CADM2: variants seen among roughly 807,000 people sequenced by gnomAD.
CADM2 encodes cell adhesion molecule 2, also known as immunoglobulin superfamily member 4D.
In CADM2, 12 loss-of-function variants were observed where a neutral mutation model predicts 49.8. The ratio of observed to expected loss-of-function variants is 0.24; its 90% confidence interval spans 0.15 to 0.39. CADM2 has a LOEUF of 0.39. Among genes scored for constraint, CADM2 ranks in the 10% least tolerant of loss-of-function variants. The pLI is 1.00. For missense variants in CADM2, 378 were observed against 492.3 expected (o/e 0.77, Z 2.20); for synonymous variants, 214 against 175.4 (o/e 1.22, Z -1.74).
At chr3:85,063,195 C>G (rs1029157274) in intron 1 of CADM2, among the ~76,000 whole-genome samples, 3 of 151,840 alleles carry the variant, frequency 2.0e-5, no homozygotes, top group Non-Finnish European at 4.4e-5. Context: ...AATTTAATCT[C>G]TGTGTCATGG....
chr3:85,471,867 T>C (rs1155666), intron 1 of CADM2, among the ~76,000 whole-genome samples: 77,706 of 151,312 alleles, frequency 0.51, 22,907 homozygotes, highest in East Asian at 0.83. Flanking sequence ...CATAAATTTG[T>C]ACCTATAAGT....
At chr3:85,928,605 A>G (rs1182443390) in intron 6 of CADM2, among the ~76,000 whole-genome samples, 3 of 152,226 alleles carry the variant, frequency 2.0e-5, no homozygotes, top group Non-Finnish European at 2.9e-5. Context: ...TAAACATTTT[A>G]TAGACATTCT....
intron 8 of CADM2, among the ~76,000 whole-genome samples, chr3:86,061,383 TATAAA>T: frequency 6.6e-6 from 1 of 152,194 alleles, no homozygotes; most frequent in South Asian, 2.1e-4. Context: ...TGCAGAAACA[TATAAA>T]ATATATAGAC....
chr3:85,082,253 A>G (rs1275432544), intron 1 of CADM2, among the ~76,000 whole-genome samples: 1 of 152,184 alleles, frequency 6.6e-6, no homozygotes, highest in East Asian at 1.9e-4. Context: ...AGAAAATAAT[A>G]GTAATATCCA....
chr3:85,038,947 C>A (rs1442600206), intron 1 of CADM2, among the ~76,000 whole-genome samples: 1 of 152,046 alleles, frequency 6.6e-6, no homozygotes, highest in African/African-American at 2.4e-5. Flanking sequence ...GAGTTTGTAT[C>A]AAAAATGTGC....
At chr3:85,977,692 A>G (rs1419233861) in intron 8 of CADM2, among the ~76,000 whole-genome samples, 1 of 151,600 alleles carries the variant, frequency 6.6e-6, no homozygotes, top group South Asian at 2.1e-4. Flanking sequence ...TAATGTCGTT[A>G]AAGTCAGTTC....
At chr3:85,147,275 C>CAAAAAAAAAAAAAAAAAAAA (rs759888985) in intron 1 of CADM2, among the ~76,000 whole-genome samples, 4 of 46,006 alleles carry the variant, frequency 8.7e-5, no homozygotes, top group African/African-American at 1.5e-4. Context: ...GACTCTGTCT[C>CAAAAAAAAAAAAAAAAAAAA]AAAAAAAAAA....
At chr3:85,377,303 A>G (rs1233105913) in intron 1 of CADM2, among the ~76,000 whole-genome samples, 1 of 152,100 alleles carries the variant, frequency 6.6e-6, no homozygotes, top group South Asian at 2.1e-4. Flanking sequence ...AGATAGCGGA[A>G]TTAGTGTCTA....
At chr3:85,477,533 T>G (rs1330166277) in intron 1 of CADM2, among the ~76,000 whole-genome samples, 3 of 151,920 alleles carry the variant, frequency 2.0e-5, no homozygotes, top group Non-Finnish European at 4.4e-5. Context: ...TATTTTTATT[T>G]TCCCTGTTCT....
intron 1 of CADM2, among the ~76,000 whole-genome samples, chr3:85,217,105 A>G (rs1367213664): frequency 6.6e-6 from 1 of 151,950 alleles, no homozygotes; most frequent in Non-Finnish European, 1.5e-5. Context: ...ATTGGTCATA[A>G]AAAGTAAGAA....
Position 84,959,258 on chromosome 3 carries a change from C to G in CADM2, c.-350C>G. 3 of 438,730 alleles carry G rather than the reference C, an allele frequency of 6.8e-6. No individual in the cohort carries two copies. Among genetic ancestry groups the G allele is most frequent in the Non-Finnish European group, 1.2e-5 (3 of 240,870 alleles). The allele number at this position is 438,730 out of a possible 1,614,324, so 27.2% of individuals were successfully genotyped here. A position where few individuals can be genotyped will look rare whatever the true frequency, so the allele number is the denominator to read the frequency against. ...GCACCTTCTCCAACACCCCGGCATC[C>G]CTGCACCACCTGCTCGGGCAGCCCC... On this transcript the variant is annotated 5_prime_UTR_variant, in exon 1 of 10. Coordinates refer to ENST00000383699, the MANE Select transcript of CADM2 (RefSeq NM_001167675.2).
intron 1 of CADM2, among the ~76,000 whole-genome samples, chr3:85,151,981 ATTT>A (rs371477900): frequency 1.3e-5 from 2 of 152,102 alleles, no homozygotes; most frequent in Non-Finnish European, 2.9e-5. Flanking sequence ...AAAAAAGGTT[ATTT>A]TTTTATTTCA....
At chr3:85,411,677 A>G (rs1024399812) in intron 1 of CADM2, among the ~76,000 whole-genome samples, 3 of 152,150 alleles carry the variant, frequency 2.0e-5, no homozygotes, top group Non-Finnish European at 2.9e-5. Context: ...TGGATTACCC[A>G]GTTTCCATGG....
In CADM2 at chr3:86,073,099, A is replaced by C. The variant is rs1179388814; in HGVS notation, c.*6316A>C. ...TGTTCAGCTTTTCATTCAAACAAAA[A>C]ATATTCCCTCAAGAAAGCTCCATTT... is the stretch of plus-strand genomic sequence containing the variant. On this transcript the variant is annotated 3_prime_UTR_variant, in exon 10 of 10. Coordinates refer to ENST00000383699, the MANE Select transcript of CADM2 (RefSeq NM_001167675.2). 1 of 152,078 alleles carries C rather than the reference A, an allele frequency of 6.6e-6. No homozygotes were observed. The highest frequency in any genetic ancestry group is 1.9e-4 in the East Asian group (1 of 5,202). 9.4% of individuals were successfully genotyped at this position (152,078 alleles called of 1,614,324 possible).
At chr3:85,265,569 C>A (rs1441713069) in intron 1 of CADM2, among the ~76,000 whole-genome samples, 1 of 151,928 alleles carries the variant, frequency 6.6e-6, no homozygotes, top group Non-Finnish European at 1.5e-5. Flanking sequence ...TCAAAATGGA[C>A]ATTAATTCAT....
intron 6 of CADM2, among the ~76,000 whole-genome samples, chr3:85,935,326 G>C (rs1577704775): frequency 1.3e-5 from 2 of 152,080 alleles, no homozygotes; most frequent in African/African-American, 2.4e-5. Flanking sequence ...AATTGAGCTT[G>C]AGTTCATTGT....
At chr3:85,477,107 G>A (rs909751175) in intron 1 of CADM2, among the ~76,000 whole-genome samples, 1 of 151,814 alleles carries the variant, frequency 6.6e-6, no homozygotes, top group African/African-American at 2.4e-5. Flanking sequence ...TTGCCTGAAG[G>A]CATGACCACT....
chr3:85,511,971 A>G lies in CADM2; in HGVS notation c.62-214551A>G. 3 of 730,474 alleles carry G rather than the reference A, an allele frequency of 4.1e-6. No homozygotes were observed. The South Asian group carries it at 1.8e-4, about 45-fold the overall frequency. The allele number at this position is 730,474 out of a possible 1,614,324, so 45.2% of individuals were successfully genotyped here. ...TATATAAATATATATGTGGTTTTGA[A>G]AAAAATGTTTTAAAGCCAATGTTCT... On this transcript the variant is annotated intron_variant, in intron 1 of 9. Coordinates refer to ENST00000383699, the MANE Select transcript of CADM2 (RefSeq NM_001167675.2).
At chr3:85,352,799 G>A (rs188575709) in intron 1 of CADM2, among the ~76,000 whole-genome samples, 2 of 152,084 alleles carry the variant, frequency 1.3e-5, no homozygotes, top group Admixed American at 6.6e-5. Flanking sequence ...CTTTTCAAAT[G>A]ATTTTTTAGT....
Sources: allele counts gnomAD v4.1 joint callset (sites outside exome capture counted in the v4.1 genomes callset), GRCh38; gene constraint gnomAD v4.1.1; transcripts MANE v1.5; gene names NCBI Gene and HGNC (gene_info 2026-07-23, HGNC 2026-07-21).